TSGA10IP: variants seen among roughly 807,000 people sequenced by gnomAD.
TSGA10IP encodes testis specific 10 interacting protein.
In TSGA10IP, 64 loss-of-function variants were observed where a neutral mutation model predicts 63.2. The ratio of observed to expected loss-of-function variants is 1.01; its 90% CI spans 0.83 to 1.25. The LOEUF (loss-of-function observed/expected upper bound fraction) is 1.25. Ranked by LOEUF, TSGA10IP falls within the 50% of genes most tolerant of loss-of-function variation. The probability of loss-of-function intolerance (pLI) is 0.00; values close to 1 mark genes in which losing one functional copy is unlikely to be tolerated. For missense variants in TSGA10IP, 681 were observed against 710.1 expected, an observed-to-expected ratio of 0.96 and a Z score of 0.47; for synonymous variants, 316 against 298.3, an observed-to-expected ratio of 1.06 and a Z score of -0.61.
intron 5 of TSGA10IP, among the ~76,000 whole-genome samples, 179 bp from the exon 6 acceptor site, chr11:65,958,704 A>G (rs1855065789): frequency 6.6e-6 from 1 of 152,272 alleles, no homozygotes; most frequent in African/African-American, 2.4e-5. Flanking sequence ...AATTGGGTGA[A>G]TAATTTCCAC....
At chr11:65,947,498 G>T in exon 3 of TSGA10IP, 1 of 1,613,284 alleles carries the variant, frequency 6.2e-7, no homozygotes, top group South Asian at 1.1e-5. Context: ...TGCTGAGGAG[G>T]CCGAGAGGGG....
chr11:65,951,518 T>TTCATTATTA (rs1555055829), intron 4 of TSGA10IP, among the ~76,000 whole-genome samples: 5 of 139,112 alleles, frequency 3.6e-5, no homozygotes, highest in Admixed American at 1.5e-4. Flanking sequence ...ATTTGCTTAT[T>TTCATTATTA]TTATTATTAT....
At chr11:65,957,958 G>A (rs186244064) in intron 5 of TSGA10IP, among the ~76,000 whole-genome samples, 6 of 152,316 alleles carry the variant, frequency 3.9e-5, no homozygotes, top group African/African-American at 1.4e-4. Context: ...CACAAACTGG[G>A]TTTTGGGTTT....
chr11:65,955,239 T>C (rs560053344), intron 5 of TSGA10IP, among the ~76,000 whole-genome samples: 208 of 152,162 alleles, frequency 1.4e-3, no homozygotes, highest in African/African-American at 4.9e-3. Context: ...TGTTTTTTTT[T>C]TCCTGGGCTG....
At chr11:65,956,619 C>T (rs985377693) in intron 5 of TSGA10IP, among the ~76,000 whole-genome samples, 42 of 152,074 alleles carry the variant, frequency 2.8e-4, no homozygotes, top group African/African-American at 8.9e-4. Context: ...CCTCCATCTC[C>T]CGGGCTCAAG....
At chr11:65,945,569 C>A in exon 1 of TSGA10IP, 1 of 1,312,296 alleles carries the variant, frequency 7.6e-7, no homozygotes, top group South Asian at 1.4e-5. Flanking sequence ...CCCACTGACC[C>A]CTTCCTAGCA....
intron 1 of TSGA10IP, 103 bp downstream of exon 1, chr11:65,945,925 G>A (rs1854823479): frequency 7.2e-7 from 1 of 1,397,526 alleles, no homozygotes. Context: ...CCTGAGCTGA[G>A]GTCCAGATGA....
chr11:65,949,420 A>ATT lies in TSGA10IP; in HGVS notation c.1151+1285_1151+1286dup, dbSNP rs71036256. Among the ~76,000 whole-genome samples, 428 of 144,828 alleles carry ATT rather than the reference A, an allele frequency of 3.0e-3. 1 individual carries two copies. Among genetic ancestry groups the ATT allele is most frequent in the African/African-American group, 3.7e-3 (145 of 39,354 alleles). On this transcript the variant is annotated intron_variant, in intron 4 of 7. Transcript: ENST00000532620. ...TTCAGCATTCTTATAGCACCCCACA[A>ATT]TTTTTTTTTTTTTTGAGATGGAGTC...
At chr11:65,955,069 A>G (rs1314865278) in intron 5 of TSGA10IP, among the ~76,000 whole-genome samples, 2 of 152,206 alleles carry the variant, frequency 1.3e-5, no homozygotes, top group African/African-American at 4.8e-5. Context: ...AAAACGAGGA[A>G]AATGTTGCTA....
chr11:65,959,421 G>A, intron 7 of TSGA10IP, 107 bp downstream of exon 7: 1 of 1,476,686 alleles, frequency 6.8e-7, no homozygotes, highest in Non-Finnish European at 9.0e-7. Flanking sequence ...GACAGGCAGA[G>A]AGCCCAGAGG....
rs1855069729 is a variant in TSGA10IP, at chr11:65,958,903, T to C, written c.1343T>C (p.Phe448Ser). Reference sequence around the variant, plus strand: ...TGCAGGCGCCAGGAGCGACAGCGCTTTGCTGAGTACCAGGCGGAGCTGCAA... The same window carrying C: ...TGCAGGCGCCAGGAGCGACAGCGCTCTGCTGAGTACCAGGCGGAGCTGCAA... Residue 448 changes from phenylalanine (F) to serine (S), a missense_variant, in exon 6 of 8, where the codon TTT becomes TCT. By Grantham distance (155) the Phe-to-Ser change is radical. Coordinates refer to ENST00000532620, the Ensembl canonical transcript of TSGA10IP. 4 of 1,612,936 alleles carry C rather than the reference T, an allele frequency of 2.5e-6. No individual in the cohort carries two copies. The South Asian group carries it at 4.4e-5, about 18-fold the overall frequency.
chr11:65,955,735 T>C (rs1855013614), intron 5 of TSGA10IP, among the ~76,000 whole-genome samples: 1 of 152,124 alleles, frequency 6.6e-6, no homozygotes, highest in African/African-American at 2.4e-5. Context: ...CACCTTACTA[T>C]CCTACCTTGG....
exon 3 of TSGA10IP, chr11:65,947,542 G>A (rs1333554268): frequency 6.2e-7 from 1 of 1,613,866 alleles, no homozygotes; most frequent in Non-Finnish European, 8.5e-7. Flanking sequence ...AGCGCCCCAG[G>A]AGGGGGTCGA....
At chr11:65,948,377 C>G (rs533542135) in intron 4 of TSGA10IP, among the ~76,000 whole-genome samples, 1 of 152,326 alleles carries the variant, frequency 6.6e-6, no homozygotes, top group Non-Finnish European at 1.5e-5. Flanking sequence ...ATCCATCTCT[C>G]TCAATACCTG....
At chr11:65,946,302 C>T (rs892604834) in intron 1 of TSGA10IP, among the ~76,000 whole-genome samples, 6 of 152,246 alleles carry the variant, frequency 3.9e-5, no homozygotes, top group South Asian at 2.1e-4. Context: ...GAGTACCGGC[C>T]TCCTAGGGTC....
At chr11:65,948,145 C>T (rs1413436719) in exon 4 of TSGA10IP, 2 of 1,602,696 alleles carry the variant, frequency 1.2e-6, no homozygotes, top group Admixed American at 1.7e-5. Flanking sequence ...CAGGAAGCCA[C>T]CAGGTAAGAG....
exon 3 of TSGA10IP, chr11:65,947,118 C>A: frequency 6.2e-7 from 1 of 1,611,328 alleles, no homozygotes; most frequent in Non-Finnish European, 8.5e-7. Flanking sequence ...AGTCACTTCC[C>A]GCTTCTTCCT....
intron 1 of TSGA10IP, among the ~76,000 whole-genome samples, chr11:65,946,311 T>C (rs963284973): frequency 6.6e-6 from 1 of 152,096 alleles, no homozygotes; most frequent in African/African-American, 2.4e-5. Context: ...CCTCCTAGGG[T>C]CCTTGGGAAG....
intron 5 of TSGA10IP, among the ~76,000 whole-genome samples, chr11:65,955,017 A>G (rs1329218366): frequency 1.3e-5 from 2 of 152,254 alleles, no homozygotes; most frequent in African/African-American, 4.8e-5. Context: ...ATGTAACATT[A>G]GCATATACAA....
Sources: gnomAD v4.1 joint callset for allele counts (sites outside exome capture counted in the v4.1 genomes callset) on GRCh38, gnomAD v4.1.1 for gene constraint, MANE v1.5 for transcripts, NCBI Gene and HGNC (gene_info 2026-07-23, HGNC 2026-07-21) for gene names.